SLC25A13: variants seen among roughly 807,000 people sequenced by gnomAD.
SLC25A13 encodes the protein solute carrier family 25 member 13.
A neutral mutation model predicts 85.5 loss-of-function variants in SLC25A13; 70 were observed. The ratio of observed to expected loss-of-function variants is 0.82; its 90% CI spans 0.68 to 1.00. The LOEUF (loss-of-function observed/expected upper bound fraction) is 1.00. Ranked by LOEUF, SLC25A13 falls within the 50% of genes least tolerant of loss-of-function variation. The pLI, the probability that SLC25A13 is intolerant of heterozygous loss-of-function variation, is 0.00. For synonymous variants in SLC25A13, 259 were observed against 288.7 expected, an observed-to-expected ratio of 0.90 and a Z score of 1.04; for missense variants, 765 against 819.8, an observed-to-expected ratio of 0.93 and a Z score of 0.82.
chr7:96,197,484 C>T (rs2116679110), intron 5 of SLC25A13, among the ~76,000 whole-genome samples: 1 of 152,162 alleles, frequency 6.6e-6, no homozygotes, highest in South Asian at 2.1e-4. Flanking sequence ...ATCAGGAGGC[C>T]AGTGGGAGCT....
intron 1 of SLC25A13, among the ~76,000 whole-genome samples, chr7:96,313,228 C>A (rs781025393): frequency 6.6e-6 from 1 of 152,094 alleles, no homozygotes; most frequent in Admixed American, 6.5e-5. Context: ...GCAGGTAGTG[C>A]GGCAGGAACT....
chr7:96,128,304 T>C (rs751334848), intron 15 of SLC25A13, among the ~76,000 whole-genome samples: 1 of 152,208 alleles, frequency 6.6e-6, no homozygotes, highest in Admixed American at 6.5e-5. Flanking sequence ...TATTTTACCA[T>C]GCTGACTGGA....
intron 3 of SLC25A13, among the ~76,000 whole-genome samples, chr7:96,250,691 T>C (rs1248947822): frequency 1.6e-5 from 2 of 128,030 alleles, no homozygotes; most frequent in Non-Finnish European, 3.2e-5. Flanking sequence ...AGGAGAAAAG[T>C]GAAGACAGGA....
chr7:96,203,407 A>C (rs186859055), intron 5 of SLC25A13, among the ~76,000 whole-genome samples: 435 of 152,252 alleles, frequency 2.9e-3, no homozygotes, highest in Admixed American at 4.4e-3. Context: ...GGGGGGTAAA[A>C]ACTGCCAGAG....
At chr7:96,199,344 CA>C (rs760211611) in intron 5 of SLC25A13, among the ~76,000 whole-genome samples, 3 of 152,114 alleles carry the variant, frequency 2.0e-5, no homozygotes, top group Non-Finnish European at 4.4e-5. Flanking sequence ...ACAGTGCATA[CA>C]AAGAGCAGGC....
intron 3 of SLC25A13, among the ~76,000 whole-genome samples, chr7:96,253,207 T>G (rs1797502593): frequency 6.6e-6 from 1 of 151,866 alleles, no homozygotes; most frequent in African/African-American, 2.4e-5. Context: ...GAAAGTGCAA[T>G]TATGAGGAGT....
At chr7:96,175,365 A>G (rs1794179672) in intron 11 of SLC25A13, among the ~76,000 whole-genome samples, 1 of 152,224 alleles carries the variant, frequency 6.6e-6, no homozygotes, top group South Asian at 2.1e-4. Context: ...ATAAATAACA[A>G]TATTATTAAT....
chr7:96,275,463 T>C (rs938711197), intron 3 of SLC25A13, among the ~76,000 whole-genome samples: 7 of 152,150 alleles, frequency 4.6e-5, no homozygotes, highest in African/African-American at 9.7e-5. Flanking sequence ...CTATTCACAA[T>C]AGCAAAGACT....
rs56377235 is a variant in SLC25A13 at position 96,164,711 on chromosome 7, T to TACAC, written c.1311+5330_1311+5333dup. On this transcript the variant is annotated intron_variant, in intron 13 of 17. Coordinates refer to ENST00000265631, the MANE Select transcript of SLC25A13 (RefSeq NM_014251.3). ...CTATGATTTTCAAAAGGATTAACTT[T>TACAC]ACACACACACACACACACACACACA... is the stretch of plus-strand genomic sequence containing the variant. 9.9e-3 allele frequency among the ~76,000 whole-genome samples: 1,421 copies of TACAC among 143,140 alleles called. 22 individuals are homozygous for TACAC. The highest frequency in any genetic ancestry group is 0.026 in the African/African-American group (1,014 of 38,654). The allele number at this position is 143,140 out of a possible 152,430, so 93.9% of individuals were successfully genotyped here.
At position 96,244,773 on chromosome 7, in the gene SLC25A13, G is replaced by A. The variant is rs73710251; in HGVS notation, c.213-9856C>T. 6.5e-3 allele frequency among the ~76,000 whole-genome samples: 986 copies of A among 152,224 alleles called. 11 individuals are homozygous for A. Among genetic ancestry groups the A allele is most frequent in the African/African-American group, 0.022 (929 of 41,540 alleles). On this transcript the variant is annotated intron_variant, in intron 3 of 17. Coordinates refer to ENST00000265631, the MANE Select transcript of SLC25A13 (RefSeq NM_014251.3). Reference sequence around the variant, plus strand: ...AATCTCGCTGCAGTGTTTGCCAAGGGCCTATTTAAATTCATTGGCTCCAGT... The same window carrying A: ...AATCTCGCTGCAGTGTTTGCCAAGGACCTATTTAAATTCATTGGCTCCAGT...
At chr7:96,172,782 G>A (rs184585140) in intron 11 of SLC25A13, among the ~76,000 whole-genome samples, 39 of 151,408 alleles carry the variant, frequency 2.6e-4, no homozygotes, top group African/African-American at 7.8e-4. Flanking sequence ...TTTTTTTGAC[G>A]GAGTCTCACT....
intron 3 of SLC25A13, among the ~76,000 whole-genome samples, chr7:96,272,874 T>C (rs1281808486): frequency 2.6e-5 from 4 of 152,122 alleles, no homozygotes; most frequent in African/African-American, 9.7e-5. Context: ...TAAACATCAA[T>C]AGAATAACCG....
intron 4 of SLC25A13, among the ~76,000 whole-genome samples, chr7:96,217,900 T>TG (rs1372264398): frequency 1.9e-5 from 2 of 107,242 alleles, no homozygotes; most frequent in African/African-American, 8.7e-5. Context: ...AAGCTTTCTC[T>TG]GAAAAAAAAA....
chr7:96,274,122 G>C (rs565096398), intron 3 of SLC25A13, among the ~76,000 whole-genome samples: 1 of 151,974 alleles, frequency 6.6e-6, no homozygotes, highest in East Asian at 1.9e-4. Context: ...CCAGAATACT[G>C]CAACAAGTAG....
intron 2 of SLC25A13, among the ~76,000 whole-genome samples, chr7:96,295,385 T>C (rs1380226180): frequency 6.6e-6 from 1 of 152,132 alleles, no homozygotes; most frequent in African/African-American, 2.4e-5. Flanking sequence ...TTTTCAAACA[T>C]ATACAAAGTA....
chr7:96,129,644 C>G lies in SLC25A13; in HGVS notation c.1591+2099G>C, dbSNP rs185115398. ...TACTATTATGGAACATTTTTGAATA[C>G]TTACTATATATCAGGCACTATTTTA... On this transcript the variant is annotated intron_variant, in intron 15 of 17. Coordinates refer to ENST00000265631, the MANE Select transcript of SLC25A13 (RefSeq NM_014251.3). 1.1e-3 allele frequency among the ~76,000 whole-genome samples: 174 copies of G among 152,216 alleles called. 5 individuals are homozygous for G. The highest frequency in any genetic ancestry group is 7.1e-3 in the Admixed American group (108 of 15,294).
At chr7:96,158,416 A>C (rs1793372205) in intron 13 of SLC25A13, among the ~76,000 whole-genome samples, 1 of 152,240 alleles carries the variant, frequency 6.6e-6, no homozygotes, top group Non-Finnish European at 1.5e-5. Flanking sequence ...TATATTTTAA[A>C]CTAAAAGCAA....
At chr7:96,275,638 A>T (rs1340472931) in intron 3 of SLC25A13, among the ~76,000 whole-genome samples, 1 of 152,142 alleles carries the variant, frequency 6.6e-6, no homozygotes. Flanking sequence ...CACAAGGACA[A>T]AAAAACCAAA....
chr7:96,312,827 G>T (rs1000812795), intron 1 of SLC25A13, among the ~76,000 whole-genome samples: 1 of 152,162 alleles, frequency 6.6e-6, no homozygotes, highest in Non-Finnish European at 1.5e-5. Flanking sequence ...TACAGCAATG[G>T]TACAGCTACA....
Sources: allele counts gnomAD v4.1 joint callset (sites outside exome capture counted in the v4.1 genomes callset), GRCh38; gene constraint gnomAD v4.1.1; transcripts MANE v1.5; gene names NCBI Gene and HGNC (gene_info 2026-07-23, HGNC 2026-07-21).